LKAAEAR1: variants seen among roughly 807,000 people sequenced by gnomAD.
The protein encoded by LKAAEAR1 is LKAAEAR motif containing 1.
A neutral mutation model predicts 16.5 loss-of-function variants in LKAAEAR1; 19 were observed. The observed-to-expected ratio is 1.15, with a 90% CI of 0.80 to 1.69. LKAAEAR1 has a LOEUF of 1.69. Among genes scored for constraint, LKAAEAR1 ranks in the 40% most tolerant of loss-of-function variants. LKAAEAR1 has a pLI of 0.00. For synonymous variants in LKAAEAR1, 124 were observed against 152.7 expected, an observed-to-expected ratio of 0.81 and a Z score of 1.39; for missense variants, 304 against 315.8, an observed-to-expected ratio of 0.96 and a Z score of 0.28.
In LKAAEAR1 at chr20:64,083,551, CT is replaced by C; in HGVS notation, c.525+31del. On this transcript the variant is annotated intron_variant, in intron 2 of 2. Coordinates refer to ENST00000302096, the MANE Select transcript of LKAAEAR1 (RefSeq NM_001353425.2). The surrounding 1 kb of genome is among the most constrained non-coding windows in gnomAD (Gnocchi z 4.9). ...TGCGGAGGCGGGCAGGGCCCCTCCC[CT>C]TTCCCCGCCCCTACCGGGGCTTGTC... The C allele has an allele frequency of 2.0e-6, 3 of 1,535,304 alleles. No homozygotes were observed. The South Asian group carries it at 3.6e-5, about 18-fold the overall frequency.
At position 64,083,515 on chromosome 20, in the gene LKAAEAR1, G is replaced by T. The variant is rs765136278; in HGVS notation, c.526-21C>A. 6.3e-7 allele frequency: 1 copy of T among 1,577,092 alleles called. No individual in the cohort carries two copies. Among genetic ancestry groups the T allele is most frequent in the South Asian group, 1.1e-5 (1 of 87,916 alleles). On this transcript the variant is annotated intron_variant, in intron 2 of 2. Transcript: ENST00000302096. This position sits in a 1 kb window ranked among gnomAD's most constrained non-coding sequence, Gnocchi z 4.9. ...CTCCGCTGCCGGGGAGAGAGGCTGG[G>T]GTCCGGCGTGTGCGGAGGCGGGCAG...
chr20:64,083,666 C>G lies in LKAAEAR1; in HGVS notation c.442G>C (p.Ala148Pro). The G allele has an allele frequency of 7.0e-7, 1 of 1,433,516 alleles. No individual in the cohort carries two copies. Among genetic ancestry groups the G allele is most frequent in the Non-Finnish European group, 9.1e-7 (1 of 1,100,268 alleles). 88.8% of individuals were successfully genotyped at this position (1,433,516 alleles called of 1,614,324 possible). Residue 148 changes from alanine (A) to proline (P), a missense_variant, in exon 2 of 3, where the codon GCG becomes CCG. Transcript: ENST00000302096. This position sits in a 1 kb window ranked among gnomAD's most constrained non-coding sequence, Gnocchi z 4.9. ...AGCTCCAGCCGGATGGCGGCGCGCG[C>G]GGACTTCTGCCGCTGGATGAGCAGC... ...IALLIQRQKS[A>P]RAAIRLELFL...
In LKAAEAR1 at chr20:64,084,358, AC is replaced by A; in HGVS notation, c.-140del. 2.3e-6 allele frequency: 3 copies of A among 1,281,448 alleles called. No homozygotes were observed. The highest frequency in any genetic ancestry group is 9.8e-7 in the Non-Finnish European group (1 of 1,016,728). 79.4% of individuals were successfully genotyped at this position (1,281,448 alleles called of 1,614,324 possible). A position where few individuals can be genotyped will look rare whatever the true frequency, so the allele number is the denominator to read the frequency against. On this transcript the variant is annotated 5_prime_UTR_variant, in exon 1 of 3. Transcript: ENST00000302096. ...CTCCGCAGTCGGTTTTGAGTTCCGC[AC>A]CCCCAGCCTCTGAGCTTTGCCCAGG...
At position 64,084,132 on chromosome 20, in the gene LKAAEAR1, G is replaced by C; in HGVS notation, c.88C>G (p.Arg30Gly). The change falls in exon 1 of 3, where the codon CGT becomes GGT. Residue 30 changes from arginine to glycine, a missense_variant. Physicochemically the swap from Arg to Gly is moderately radical, Grantham distance 125 (BLOSUM62 -2). Coordinates refer to ENST00000302096, the MANE Select transcript of LKAAEAR1 (RefSeq NM_001353425.2). ...TCTGTCGCGGGCGCCCCCTTGGCAC[G>C]CTCCTCACCCTGCGCCGTGCCTGGC... The part of the protein sequence containing the change: ...SAPGTAQGEE[R>G]AKGAPATEPP... 6.8e-7 allele frequency: 1 copy of C among 1,465,594 alleles called. No homozygotes were observed. The highest frequency in any genetic ancestry group is 1.3e-5 in the South Asian group (1 of 76,422). The allele number at this position is 1,465,594 out of a possible 1,614,324, so 90.8% of individuals were successfully genotyped here. A position where few individuals can be genotyped will look rare whatever the true frequency, so the allele number is the denominator to read the frequency against.
chr20:64,084,014 A>T lies in LKAAEAR1; in HGVS notation c.206T>A (p.Leu69Gln), dbSNP rs763105325. Residue 69 changes from leucine to glutamine, a missense_variant, in exon 1 of 3, where the codon CTG becomes CAG. Physicochemically the swap from Leu to Gln is moderately radical, Grantham distance 113. Coordinates refer to ENST00000302096, the MANE Select transcript of LKAAEAR1 (RefSeq NM_001353425.2). ...RHRHLLFGDLLEDVGAAASTF... is the reference protein window; with the variant it reads ...RHRHLLFGDLQEDVGAAASTF... ...GGAGGCCGCCGCGCCCACGTCCTCC[A>T]GCAGGTCGCCGAAGAGCAGATGGCG... 1 of 1,502,570 alleles carries T rather than the reference A, an allele frequency of 6.7e-7. No homozygotes were observed. The highest frequency in any genetic ancestry group is 8.8e-7 in the Non-Finnish European group (1 of 1,135,572). The allele number at this position is 1,502,570 out of a possible 1,614,324, so 93.1% of individuals were successfully genotyped here.
rs770105238 is a variant in LKAAEAR1 at position 64,084,177 on chromosome 20, C to T, written c.43G>A (p.Glu15Lys). 2.1e-6 allele frequency: 3 copies of T among 1,449,422 alleles called. No homozygotes were observed. The South Asian group carries it at 4.1e-5, about 20-fold the overall frequency. 89.8% of individuals were successfully genotyped at this position (1,449,422 alleles called of 1,614,324 possible). The change falls in exon 1 of 3, where the codon GAG (glutamate) becomes AAG (lysine). Residue 15 changes from glutamate to lysine, a missense_variant. Coordinates refer to ENST00000302096, the MANE Select transcript of LKAAEAR1 (RefSeq NM_001353425.2). ...AKEGGRKGPR[E>K]RSGKSAPGTA... ...CCTGGCGCGCTCTTCCCGCTTCGCT[C>T]CCGCGGGCCCTTGCGCCCGCCCTCC...
Position 64,083,970 on chromosome 20 carries a change from C to A in LKAAEAR1, c.250G>T (p.Val84Leu). 6.8e-7 allele frequency: 1 copy of A among 1,467,842 alleles called. No homozygotes were observed. Among genetic ancestry groups the A allele is most frequent in the Non-Finnish European group, 9.0e-7 (1 of 1,117,254 alleles). 90.9% of individuals were successfully genotyped at this position (1,467,842 alleles called of 1,614,324 possible). A position where few individuals can be genotyped will look rare whatever the true frequency, so the allele number is the denominator to read the frequency against. ...AAASTFPCGS[V>L]EPGYRMPDPR... Reference sequence around the variant, plus strand: ...TCGGGCATGCGGTACCCCGGTTCCACCGACCCGCACGGGAAGGTGGAGGCC... The same window carrying A: ...TCGGGCATGCGGTACCCCGGTTCCAACGACCCGCACGGGAAGGTGGAGGCC... Residue 84 changes from valine to leucine, a missense_variant, in exon 1 of 3, where the codon GTG becomes TTG. Transcript: ENST00000302096. The surrounding 1 kb of genome is among the most constrained non-coding windows in gnomAD (Gnocchi z 4.9).
rs2145568917 is a variant in LKAAEAR1, at chr20:64,083,784, G to A, written c.402+34C>T. 1.5e-6 allele frequency: 2 copies of A among 1,334,170 alleles called. No individual in the cohort carries two copies. The highest frequency in any genetic ancestry group is 8.3e-5 in the Admixed American group (2 of 24,152). The allele number at this position is 1,334,170 out of a possible 1,614,324, so 82.6% of individuals were successfully genotyped here. ...GCCGGCTCCGCTCAACGCTCCCGGTGCGCCCCCTCTGCCCTCCGACCCCCT... is the reference window on the plus strand; with the variant it reads ...GCCGGCTCCGCTCAACGCTCCCGGTACGCCCCCTCTGCCCTCCGACCCCCT... On this transcript the variant is annotated intron_variant, in intron 1 of 2. Transcript: ENST00000302096. The surrounding 1 kb of genome is among the most constrained non-coding windows in gnomAD (Gnocchi z 4.9).
upstream of LKAAEAR1, chr20:64,084,919 T>A (rs989659502): frequency 2.0e-5 from 3 of 152,180 alleles, no homozygotes; most frequent in Non-Finnish European, 4.4e-5. Flanking sequence ...CACCCCCTGC[T>A]TGCTGCCTTC....
upstream of LKAAEAR1, chr20:64,084,461 G>T: frequency 9.6e-7 from 1 of 1,045,100 alleles, no homozygotes; most frequent in Non-Finnish European, 1.2e-6. Context: ...AGTCAACTAG[G>T]ACTTTCTGAT....
In LKAAEAR1 at chr20:64,083,520, G is replaced by A. The variant is rs762691923; in HGVS notation, c.526-26C>T. The A allele has an allele frequency of 6.4e-7, 1 of 1,572,220 alleles. No homozygotes were observed. ...CTGCCGGGGAGAGAGGCTGGGGTCC[G>A]GCGTGTGCGGAGGCGGGCAGGGCCC... On this transcript the variant is annotated intron_variant, in intron 2 of 2. Coordinates refer to ENST00000302096, the MANE Select transcript of LKAAEAR1 (RefSeq NM_001353425.2). This position sits in a 1 kb window ranked among gnomAD's most constrained non-coding sequence, Gnocchi z 4.9.
upstream of LKAAEAR1, chr20:64,084,440 C>T: frequency 8.3e-7 from 1 of 1,204,938 alleles, no homozygotes; most frequent in Admixed American, 4.3e-5. Flanking sequence ...GCTGATCCTG[C>T]TCAGTCCTGC....
chr20:64,083,583 C>T lies in LKAAEAR1; in HGVS notation c.525G>A (p.Glu175=), dbSNP rs564046845. ...ARIPDPLDRQ[E]RRRVETILEE... ...CGCCCCTACCGGGGCTTGTCTGCAC[C>T]TCTTGGCGGTCCAGGGGGTCCGGGA... Residue 175 remains glutamate, a splice_region_variant and synonymous_variant, in exon 2 of 3, where the codon GAG becomes GAA. Coordinates refer to ENST00000302096, the MANE Select transcript of LKAAEAR1 (RefSeq NM_001353425.2). This position sits in a 1 kb window ranked among gnomAD's most constrained non-coding sequence, Gnocchi z 4.9. The T allele has an allele frequency of 4.6e-5, 70 of 1,512,450 alleles. No homozygotes were observed. In the East Asian group the frequency reaches 1.7e-3, roughly 38 times the overall value. 93.7% of individuals were successfully genotyped at this position (1,512,450 alleles called of 1,614,324 possible).
chr20:64,084,422 T>G, upstream of LKAAEAR1: 9 of 1,253,692 alleles, frequency 7.2e-6, no homozygotes, highest in Non-Finnish European at 8.0e-6. Context: ...CCAGCAGCTC[T>G]GCCATCGGCT....
Position 64,083,651 on chromosome 20 carries a change from G to A in LKAAEAR1, c.457C>T (p.Arg153Trp). Residue 153 changes from arginine to tryptophan, a missense_variant, in exon 2 of 3, where the codon CGG (arginine) becomes TGG (tryptophan). By Grantham distance (101) the Arg-to-Trp change is moderately radical. Transcript: ENST00000302096. This position sits in a 1 kb window ranked among gnomAD's most constrained non-coding sequence, Gnocchi z 4.9. ...TGCGGCGGCAGGAACAGCTCCAGCC[G>A]GATGGCGGCGCGCGCGGACTTCTGC... Reference protein sequence around the residue: ...QRQKSARAAIRLELFLPPQLK... With the variant: ...QRQKSARAAIWLELFLPPQLK... 2 of 1,444,360 alleles carry A rather than the reference G, an allele frequency of 1.4e-6. No homozygotes were observed. The highest frequency in any genetic ancestry group is 1.8e-6 in the Non-Finnish European group (2 of 1,104,234). 89.5% of individuals were successfully genotyped at this position (1,444,360 alleles called of 1,614,324 possible). A position where few individuals can be genotyped will look rare whatever the true frequency, so the allele number is the denominator to read the frequency against.
Position 64,083,525 on chromosome 20 carries a change from G to A in LKAAEAR1, c.526-31C>T, listed in dbSNP as rs2059994012. 6.4e-7 allele frequency: 1 copy of A among 1,565,714 alleles called. No individual in the cohort carries two copies. The highest frequency in any genetic ancestry group is 1.4e-5 in the African/African-American group (1 of 73,536). On this transcript the variant is annotated intron_variant, in intron 2 of 2. Transcript: ENST00000302096. The surrounding 1 kb of genome is among the most constrained non-coding windows in gnomAD (Gnocchi z 4.9). ...GGGGAGAGAGGCTGGGGTCCGGCGT[G>A]TGCGGAGGCGGGCAGGGCCCCTCCC...
rs774220798 is a variant in LKAAEAR1 at position 64,083,922 on chromosome 20, G to A, written c.298C>T (p.Leu100Phe). 6.9e-7 allele frequency: 1 copy of A among 1,452,768 alleles called. No homozygotes were observed. Among genetic ancestry groups the A allele is most frequent in the South Asian group, 1.3e-5 (1 of 75,404 alleles). The allele number at this position is 1,452,768 out of a possible 1,614,324, so 90.0% of individuals were successfully genotyped here. ...MPDPRPWTQSLELPAERQNRL... is the reference protein window; with the variant it reads ...MPDPRPWTQSFELPAERQNRL... ...TTCTGGCGCTCGGCGGGCAGCTCGA[G>A]CGACTGCGTCCACGGGCGCGGGTCG... The change falls in exon 1 of 3, where the codon CTC (leucine) becomes TTC (phenylalanine). Residue 100 changes from leucine (L) to phenylalanine (F), a missense_variant. Physicochemically the swap from Leu to Phe is conservative, Grantham distance 22. Transcript: ENST00000302096. This position sits in a 1 kb window ranked among gnomAD's most constrained non-coding sequence, Gnocchi z 4.9.
rs2060012527 is a variant in LKAAEAR1, at chr20:64,084,147, C to G, written c.73G>C (p.Ala25Pro). The G allele has an allele frequency of 1.4e-6, 2 of 1,457,818 alleles. No homozygotes were observed. The highest frequency in any genetic ancestry group is 1.8e-6 in the Non-Finnish European group (2 of 1,113,160). The allele number at this position is 1,457,818 out of a possible 1,614,324, so 90.3% of individuals were successfully genotyped here. ...CCCTTGGCACGCTCCTCACCCTGCG[C>G]CGTGCCTGGCGCGCTCTTCCCGCTT... ...ERSGKSAPGTAQGEERAKGAP... is the reference protein window; with the variant it reads ...ERSGKSAPGTPQGEERAKGAP... Residue 25 changes from alanine (A) to proline (P), a missense_variant, in exon 1 of 3, where the codon GCG becomes CCG. Coordinates refer to ENST00000302096, the MANE Select transcript of LKAAEAR1 (RefSeq NM_001353425.2).
rs1186823551 is a variant in LKAAEAR1 at position 64,083,649 on chromosome 20, C to T, written c.459G>A (p.Arg153=). ...GCTGCGGCGGCAGGAACAGCTCCAG[C>T]CGGATGGCGGCGCGCGCGGACTTCT... ...QRQKSARAAI[R]LELFLPPQLK... Residue 153 remains arginine (R), a synonymous_variant, in exon 2 of 3, where the codon CGG becomes CGA. Coordinates refer to ENST00000302096, the MANE Select transcript of LKAAEAR1 (RefSeq NM_001353425.2). The surrounding 1 kb of genome is among the most constrained non-coding windows in gnomAD (Gnocchi z 4.9). 6.9e-7 allele frequency: 1 copy of T among 1,448,336 alleles called. No individual in the cohort carries two copies. The highest frequency in any genetic ancestry group is 9.0e-7 in the Non-Finnish European group (1 of 1,106,084). 89.7% of individuals were successfully genotyped at this position (1,448,336 alleles called of 1,614,324 possible). A position where few individuals can be genotyped will look rare whatever the true frequency, so the allele number is the denominator to read the frequency against.
Sources: allele counts gnomAD v4.1 joint callset, GRCh38; gene constraint gnomAD v4.1.1; non-coding constraint Gnocchi (gnomAD v3.1); transcripts MANE v1.5; gene names NCBI Gene and HGNC (gene_info 2026-07-23, HGNC 2026-07-21).